Variants in EXOC4 observed in about 807,000 individuals in gnomAD.
EXOC4 encodes the protein SEC8-like 1.
Under a neutral mutation model 107.2 loss-of-function variants are expected in EXOC4, and 71 were observed. The observed-to-expected ratio is 0.66, with a 90% CI of 0.55 to 0.81. The LOEUF is 0.81. EXOC4 is among the 30% of genes least tolerant of loss of function. EXOC4 has a pLI of 0.00. For missense variants in EXOC4, 1,108 were observed against 1,189.6 expected, an observed-to-expected ratio of 0.93 and a Z score of 1.01; for synonymous variants, 456 against 441.2, an observed-to-expected ratio of 1.03 and a Z score of -0.42.
At chr7:133,731,293 T>C (rs1795320600) in intron 10 of EXOC4, among the ~76,000 whole-genome samples, 1 of 152,192 alleles carries the variant, frequency 6.6e-6, no homozygotes, top group Non-Finnish European at 1.5e-5. Context: ...CTCTAGGATC[T>C]CTTCATCTCC....
chr7:133,255,191 T>TTTTCTTTTCTTTTC (rs1554425301), intron 1 of EXOC4, among the ~76,000 whole-genome samples: 12 of 151,534 alleles, frequency 7.9e-5, no homozygotes, highest in African/African-American at 1.7e-4. Flanking sequence ...CTTTTCTTTT[T>TTTTCTTTTCTTTTC]TTTTGAGACA....
In EXOC4 at chr7:133,938,170, T is replaced by C. The variant is rs76261442; in HGVS notation, c.2206+101T>C. The C allele has an allele frequency of 2.6e-3, 2,866 of 1,108,286 alleles. 19 individuals carry two copies. Among genetic ancestry groups the C allele is most frequent in the Middle Eastern group, 0.018 (68 of 3,714 alleles). The allele number at this position is 1,108,286 out of a possible 1,614,324, so 68.7% of individuals were successfully genotyped here. A position where few individuals can be genotyped will look rare whatever the true frequency, so the allele number is the denominator to read the frequency against. On this transcript the variant is annotated intron_variant, in intron 14 of 17. Transcript: ENST00000253861. ...GTACACTGGTCACCGTATGGGGGCG[T>C]GTCCCAAGCTGTCAGAAGATCCTGG... is the stretch of plus-strand genomic sequence containing the variant.
In EXOC4 at chr7:133,253,329, C is replaced by T. The variant is rs527774491; in HGVS notation, c.86+142C>T. 1.7e-5 allele frequency: 24 copies of T among 1,418,984 alleles called. No homozygotes were observed. The Admixed American group carries it at 6.2e-4, about 37-fold the overall frequency. The allele number at this position is 1,418,984 out of a possible 1,614,324, so 87.9% of individuals were successfully genotyped here. A position where few individuals can be genotyped will look rare whatever the true frequency, so the allele number is the denominator to read the frequency against. ...GCAGCCCCTCCCCAGGGCTCTAACC[C>T]CTCCCCAGGGCCCCAGCAATTCCCC... On this transcript the variant is annotated intron_variant, in intron 1 of 17. Transcript: ENST00000253861.
intron 10 of EXOC4, among the ~76,000 whole-genome samples, chr7:133,723,675 GAAACGGGGTTTCACTA>G (rs1381420165): frequency 1.3e-5 from 2 of 152,146 alleles, no homozygotes; most frequent in Admixed American, 6.5e-5. Flanking sequence ...ATTTTTAGTA[GAAACGGGGTTTCACTA>G]TGTTGGTTGG....
At chr7:133,505,598 TGAG>T (rs1209310348) in intron 9 of EXOC4, among the ~76,000 whole-genome samples, 2 of 152,132 alleles carry the variant, frequency 1.3e-5, no homozygotes, top group Admixed American at 6.6e-5. Flanking sequence ...GAACCTTCTG[TGAG>T]GTCCAGCTAA....
chr7:133,681,990 A>G (rs545413208), intron 10 of EXOC4, among the ~76,000 whole-genome samples: 123 of 152,164 alleles, frequency 8.1e-4, no homozygotes, highest in African/African-American at 2.9e-3. Flanking sequence ...TGCAGCCTCA[A>G]ACTCCCAGGG....
chr7:133,876,794 C>A (rs897332321), intron 11 of EXOC4, among the ~76,000 whole-genome samples: 21 of 151,944 alleles, frequency 1.4e-4, no homozygotes, highest in African/African-American at 5.1e-4. Flanking sequence ...CCTTTCAAAT[C>A]TCATTTCTTT....
chr7:134,074,380 A>T, the EXOC4 span, among the ~76,000 whole-genome samples: 1 of 152,104 alleles, frequency 6.6e-6, no homozygotes, highest in South Asian at 2.1e-4. Context: ...ACTTCTGAGG[A>T]TAAAGAGAGC....
chr7:133,624,316 GT>G (rs1802402527), intron 9 of EXOC4, among the ~76,000 whole-genome samples: 1 of 152,170 alleles, frequency 6.6e-6, no homozygotes, highest in African/African-American at 2.4e-5. Flanking sequence ...AAAATAAAGA[GT>G]AGGGCTGGGT....
chr7:133,705,615 C>A (rs1035680016), intron 10 of EXOC4, among the ~76,000 whole-genome samples: 2 of 152,096 alleles, frequency 1.3e-5, no homozygotes, highest in Non-Finnish European at 2.9e-5. Context: ...AAATTGCCAG[C>A]ATCACTACTT....
chr7:133,601,831 T>G (rs563699997), intron 9 of EXOC4: 1 of 152,388 alleles, frequency 6.6e-6, no homozygotes, highest in East Asian at 1.9e-4. Flanking sequence ...ACTGGTGGAG[T>G]TAAGTCAAGC....
At chr7:133,591,985 A>T (rs1278318668) in intron 9 of EXOC4, among the ~76,000 whole-genome samples, 2 of 152,012 alleles carry the variant, frequency 1.3e-5, no homozygotes, top group Non-Finnish European at 2.9e-5. Context: ...ACCTCCTGGG[A>T]TTATTCTTTG....
At chr7:133,962,931 A>G (rs1800979493) in intron 14 of EXOC4, among the ~76,000 whole-genome samples, 2 of 152,364 alleles carry the variant, frequency 1.3e-5, no homozygotes, top group South Asian at 2.1e-4. Context: ...TTCGGAGTTA[A>G]TGTTCCCCTG....
In EXOC4 at chr7:133,895,716, A is replaced by G. The variant is rs1381104796; in HGVS notation, c.1852A>G (p.Thr618Ala). 1.9e-6 allele frequency: 3 copies of G among 1,614,004 alleles called. No individual in the cohort carries two copies. Among genetic ancestry groups the G allele is most frequent in the Non-Finnish European group, 2.5e-6 (3 of 1,179,972 alleles). ...CGTGAAGCTCCAGGAGTACAAGGACACCTGCACTGCAGCTTACAGGTAGAG... is the reference window on the plus strand; with the variant it reads ...CGTGAAGCTCCAGGAGTACAAGGACGCCTGCACTGCAGCTTACAGGTAGAG... Reference protein sequence around the residue: ...VCVKLQEYKDTCTAAYRGIVQ... With the variant: ...VCVKLQEYKDACTAAYRGIVQ... Residue 618 changes from threonine to alanine, a missense_variant, in exon 12 of 18, where the codon ACC (threonine) becomes GCC (alanine). Physicochemically the swap from Thr to Ala is moderately conservative, Grantham distance 58. Coordinates refer to ENST00000253861, the MANE Select transcript of EXOC4 (RefSeq NM_021807.4).
the EXOC4 span, among the ~76,000 whole-genome samples, chr7:134,092,563 C>G: frequency 6.6e-6 from 1 of 152,124 alleles, no homozygotes; most frequent in African/African-American, 2.4e-5. Flanking sequence ...TTTCAGCATT[C>G]TCAAAGAAAA....
intron 10 of EXOC4, among the ~76,000 whole-genome samples, chr7:133,712,439 CAAAAAAAAAAAAAAA>C (rs58629398): frequency 1.9e-3 from 57 of 30,230 alleles, no homozygotes; most frequent in African/African-American, 7.4e-3. Context: ...AACTCTGTCT[CAAAAAAAAAAAAAAA>C]AAAAAAAAAA....
At chr7:133,372,611 C>A (rs1337700164) in intron 6 of EXOC4, among the ~76,000 whole-genome samples, 2 of 152,102 alleles carry the variant, frequency 1.3e-5, no homozygotes, top group Non-Finnish European at 2.9e-5. Flanking sequence ...GACTGACAGG[C>A]AAGGTATGCA....
At chr7:133,602,854 A>G (rs569679377) in intron 9 of EXOC4, among the ~76,000 whole-genome samples, 2 of 152,332 alleles carry the variant, frequency 1.3e-5, no homozygotes, top group Admixed American at 1.3e-4. Flanking sequence ...TTGCATGCCA[A>G]TGGGAAATGG....
chr7:133,512,871 G>A (rs1484547328), intron 9 of EXOC4, among the ~76,000 whole-genome samples: 3 of 152,136 alleles, frequency 2.0e-5, no homozygotes, highest in African/African-American at 7.2e-5. Flanking sequence ...GGTGGCTCAC[G>A]CCTGCGGGCG....
Sources: allele counts gnomAD v4.1 joint callset (sites outside exome capture counted in the v4.1 genomes callset), GRCh38; gene constraint gnomAD v4.1.1; transcripts MANE v1.5; gene names NCBI Gene and HGNC (gene_info 2026-07-23, HGNC 2026-07-21).